PCDHA2: variants seen among roughly 807,000 people sequenced by gnomAD.
The protein encoded by PCDHA2 is protocadherin alpha-2.
In PCDHA2, 58 loss-of-function variants were observed where a neutral mutation model predicts 66.0. The observed-to-expected ratio is 0.88, with a 90% CI of 0.71 to 1.09. The LOEUF (loss-of-function observed/expected upper bound fraction) is 1.09. Among genes scored for constraint, PCDHA2 ranks in the 50% least tolerant of loss-of-function variants. PCDHA2 has a pLI of 0.00. For missense variants in PCDHA2, 1,267 were observed against 1,242.3 expected (o/e 1.02, Z -0.30); for synonymous variants, 634 against 554.0 (o/e 1.14, Z -2.03).
chr5:140,803,392 G>T, intron 1 of PCDHA2: 1 of 1,614,246 alleles, frequency 6.2e-7, no homozygotes, highest in Non-Finnish European at 8.5e-7. Context: ...GAAGGCGACT[G>T]TGGGCCGGGC....
rs1181136155 is a variant in PCDHA2, at chr5:140,966,778, G to C, written c.2389-12171G>C. Reference sequence around the variant, plus strand: ...CGCGGCCAGTGGCTATGGAGCAGGCGGGCACCAGACCTGCGGCGACAGAGC... The same window carrying C: ...CGCGGCCAGTGGCTATGGAGCAGGCCGGCACCAGACCTGCGGCGACAGAGC... On this transcript the variant is annotated intron_variant, in intron 1 of 3. Transcript: ENST00000526136. The C allele has an allele frequency of 4.0e-6, 6 of 1,512,380 alleles. No homozygotes were observed. The African/African-American group carries it at 8.3e-5, about 21-fold the overall frequency. The allele number at this position is 1,512,380 out of a possible 1,614,324, so 93.7% of individuals were successfully genotyped here. A position where few individuals can be genotyped will look rare whatever the true frequency, so the allele number is the denominator to read the frequency against.
chr5:140,842,551 C>CACCAACTG, intron 1 of PCDHA2: 1 of 1,596,422 alleles, frequency 6.3e-7, no homozygotes, highest in Non-Finnish European at 8.6e-7. Flanking sequence ...TGGTGCTGGA[C>CACCAACTG]AGCGCCCTGG....
intron 1 of PCDHA2, chr5:140,835,804 T>C (rs1344050034): frequency 6.2e-7 from 1 of 1,612,866 alleles, no homozygotes; most frequent in East Asian, 2.2e-5. Context: ...GGCTGCCACA[T>C]CTTCACTGTG....
intron 1 of PCDHA2, among the ~76,000 whole-genome samples, chr5:140,800,654 A>G (rs952305891): frequency 4.6e-5 from 7 of 152,226 alleles, no homozygotes; most frequent in African/African-American, 1.2e-4. Context: ...CTTAACCTCT[A>G]TGTGTTTATA....
intron 3 of PCDHA2, among the ~76,000 whole-genome samples, chr5:140,986,846 A>G (rs782028314): frequency 6.6e-6 from 1 of 152,200 alleles, no homozygotes; most frequent in Non-Finnish European, 1.5e-5. Flanking sequence ...AAGGGGCAGC[A>G]ACACCAACAA....
At chr5:140,941,185 C>CTTTT (rs782102770) in intron 1 of PCDHA2, among the ~76,000 whole-genome samples, 28 of 102,174 alleles carry the variant, frequency 2.7e-4, no homozygotes, top group African/African-American at 6.8e-4. Flanking sequence ...CATCCTGCTT[C>CTTTT]TTTTTTTTTC....
chr5:140,849,977 G>T (rs2150461190), intron 1 of PCDHA2: 15 of 1,597,540 alleles, frequency 9.4e-6, no homozygotes, highest in East Asian at 4.5e-5. Context: ...CCTACTCGCT[G>T]GTGGAGCGGC....
At chr5:140,871,273 G>T in intron 1 of PCDHA2, 3 of 1,613,916 alleles carry the variant, frequency 1.9e-6, no homozygotes, top group Non-Finnish European at 2.5e-6. Flanking sequence ...GTGGTGGTCG[G>T]CAACGCCCAC....
At chr5:140,819,877 T>G (rs911767845) in intron 1 of PCDHA2, among the ~76,000 whole-genome samples, 1 of 152,046 alleles carries the variant, frequency 6.6e-6, no homozygotes, top group African/African-American at 2.4e-5. Flanking sequence ...TACTCAGTAT[T>G]TATCATAATA....
At chr5:140,975,093 T>C (rs578045924) in intron 1 of PCDHA2, among the ~76,000 whole-genome samples, 2 of 152,266 alleles carry the variant, frequency 1.3e-5, no homozygotes, top group South Asian at 2.1e-4. Context: ...ATCCAGTTGT[T>C]TGGGGACTGA....
chr5:140,821,197 A>G (rs1554128037), intron 1 of PCDHA2, among the ~76,000 whole-genome samples: 1 of 152,198 alleles, frequency 6.6e-6, no homozygotes, highest in Non-Finnish European at 1.5e-5. Flanking sequence ...AAAAAACTCA[A>G]AAGTTTTAAT....
intron 1 of PCDHA2, among the ~76,000 whole-genome samples, chr5:140,956,692 C>T (rs246012): frequency 0.56 from 85,656 of 151,960 alleles, 24,760 homozygotes; most frequent in African/African-American, 0.69. Context: ...CCTCCTTTTC[C>T]ATTGTTTGGA....
At chr5:140,863,381 G>T in intron 1 of PCDHA2, 1 of 1,058,634 alleles carries the variant, frequency 9.4e-7, no homozygotes, top group Non-Finnish European at 1.4e-6. Flanking sequence ...CTCACCGAGA[G>T]CTCGTGCATG....
intron 1 of PCDHA2, chr5:140,876,229 GA>G: frequency 1.9e-6 from 3 of 1,613,978 alleles, no homozygotes; most frequent in Non-Finnish European, 2.5e-6. Context: ...AGTGTTGTCT[GA>G]AAATGTCCAA....
intron 1 of PCDHA2, chr5:140,926,295 C>T (rs1554203253): frequency 6.6e-6 from 1 of 152,322 alleles, no homozygotes; most frequent in African/African-American, 2.4e-5. Flanking sequence ...CGCTGAGTCC[C>T]GCCCTCTCCG....
intron 1 of PCDHA2, chr5:140,870,757 GT>G: frequency 6.2e-7 from 1 of 1,613,572 alleles, no homozygotes; most frequent in Non-Finnish European, 8.5e-7. Context: ...GACGCTGCAG[GT>G]GTTCGTGCTG....
rs369830742 is a variant in PCDHA2 at position 140,795,448 on chromosome 5, A to G, written c.484A>G (p.Ile162Val). 1 of 1,614,206 alleles carries G rather than the reference A, an allele frequency of 6.2e-7. No homozygotes were observed. The highest frequency in any genetic ancestry group is 1.1e-5 in the South Asian group (1 of 91,082). ...TCTAGAGGGAGCATCTGATGCAGAT[A>G]TAGGAGTAAATGCTCTTCTCTCCTA... ...FPLEGASDAD[I>V]GVNALLSYKL... The change falls in exon 1 of 4, where the codon ATA becomes GTA. Residue 162 changes from isoleucine (I) to valine (V), a missense_variant. Ile to Val is a conservative substitution (Grantham distance 29, BLOSUM62 3). Transcript: ENST00000526136.
At chr5:140,976,338 G>A (rs1554237535) in intron 1 of PCDHA2, among the ~76,000 whole-genome samples, 1 of 152,018 alleles carries the variant, frequency 6.6e-6, no homozygotes, top group Non-Finnish European at 1.5e-5. Flanking sequence ...ATTGCCTGAG[G>A]TCAGGTGTTC....
Position 140,946,631 on chromosome 5 carries a change from T to TATATATATATATATATATATATACAC in PCDHA2, c.2389-32317_2389-32316insTATATATATATATATATATATACACA, listed in dbSNP as rs57893927. Among the ~76,000 whole-genome samples, 213 of 131,752 alleles carry TATATATATATATATATATATATACAC rather than the reference T, an allele frequency of 1.6e-3. 5 individuals carry two copies. The highest frequency in any genetic ancestry group is 6.6e-3 in the African/African-American group (188 of 28,632). The allele number at this position is 131,752 out of a possible 152,430, so 86.4% of individuals were successfully genotyped here. A position where few individuals can be genotyped will look rare whatever the true frequency, so the allele number is the denominator to read the frequency against. Reference sequence around the variant, plus strand: ...TGTGAAATATATATATATATATATATACAATGGAATACTCATCAGCCATTA... The same window carrying TATATATATATATATATATATATACAC: ...TGTGAAATATATATATATATATATATATATATATATATATATATATATACACACAATGGAATACTCATCAGCCATTA... On this transcript the variant is annotated intron_variant, in intron 1 of 3. Transcript: ENST00000526136.
Sources: gnomAD v4.1 joint callset for allele counts (sites outside exome capture counted in the v4.1 genomes callset) on GRCh38, gnomAD v4.1.1 for gene constraint, MANE v1.5 for transcripts, NCBI Gene and HGNC (gene_info 2026-07-23, HGNC 2026-07-21) for gene names.